FRMD4B: variants seen among roughly 807,000 people sequenced by gnomAD.
FRMD4B encodes the protein FERM domain-containing protein 4B.
In FRMD4B, 74 loss-of-function variants were observed where a neutral mutation model predicts 141.5. That is an observed-to-expected ratio of 0.52 (90% CI 0.43 to 0.63). The LOEUF (loss-of-function observed/expected upper bound fraction) is 0.63. FRMD4B is among the 30% of genes least tolerant of loss of function. FRMD4B has a pLI of 0.00. For missense variants in FRMD4B, 1,366 were observed against 1,253.4 expected, an observed-to-expected ratio of 1.09 and a Z score of -1.36; for synonymous variants, 506 against 467.9, an observed-to-expected ratio of 1.08 and a Z score of -1.05.
intron 5 of FRMD4B, among the ~76,000 whole-genome samples, chr3:69,283,213 A>G (rs577691496): frequency 4.7e-4 from 72 of 151,848 alleles, no homozygotes; most frequent in African/African-American, 1.7e-3. Context: ...GTGAAACCCC[A>G]TCTCTACTAA....
chr3:69,404,057 G>A (rs537290385), intron 2 of FRMD4B, among the ~76,000 whole-genome samples: 2 of 152,110 alleles, frequency 1.3e-5, no homozygotes, highest in Admixed American at 6.5e-5. Context: ...CACCACACCT[G>A]GCTGTTTAAA....
At chr3:69,481,850 G>A (rs983536249) in intron 1 of FRMD4B, among the ~76,000 whole-genome samples, 4 of 152,064 alleles carry the variant, frequency 2.6e-5, no homozygotes, top group Admixed American at 2.6e-4. Flanking sequence ...CAGAAAAGAG[G>A]GTACTAGAGT....
intron 1 of FRMD4B, 34 bp downstream of exon 1, chr3:69,385,794 C>G: frequency 6.7e-7 from 1 of 1,501,646 alleles, no homozygotes; most frequent in Non-Finnish European, 9.0e-7. Context: ...CGGCATCCTG[C>G]TGGGGCCCTC....
At position 69,218,117 on chromosome 3, in the gene FRMD4B, C is replaced by T. The variant is rs528138632; in HGVS notation, c.789+205G>A. On this transcript the variant is annotated intron_variant, in intron 10 of 22. Coordinates refer to ENST00000398540, the MANE Select transcript of FRMD4B (RefSeq NM_015123.3). ...GACCAATCAGCAAGCAGAGGTGTTT[C>T]GAAAGAGAATGATCTGAACATTTTA... 3.3e-5 allele frequency among the ~76,000 whole-genome samples: 5 copies of T among 152,154 alleles called. No homozygotes were observed. The East Asian group carries it at 7.7e-4, about 24-fold the overall frequency.
At chr3:69,195,498 T>C (rs1440545083) in intron 14 of FRMD4B, 134 bp from the exon 15 acceptor site, 4 of 705,448 alleles carry the variant, frequency 5.7e-6, no homozygotes, top group Non-Finnish European at 8.8e-6. Context: ...CTCAACATAA[T>C]AAAAGGAAAC....
intron 21 of FRMD4B, among the ~76,000 whole-genome samples, chr3:69,177,355 T>A (rs947414192): frequency 1.3e-5 from 2 of 151,768 alleles, no homozygotes; most frequent in African/African-American, 4.8e-5. Flanking sequence ...AATAAATAAA[T>A]AAAAATAATT....
chr3:69,238,250 C>A (rs933234342), intron 7 of FRMD4B, among the ~76,000 whole-genome samples: 12 of 152,164 alleles, frequency 7.9e-5, no homozygotes, highest in Non-Finnish European at 1.3e-4. Flanking sequence ...AGGAAAAAAT[C>A]AAAAATACCA....
chr3:69,260,192 G>A (rs1295527261), intron 5 of FRMD4B, among the ~76,000 whole-genome samples: 2 of 152,188 alleles, frequency 1.3e-5, no homozygotes, highest in East Asian at 1.9e-4. Context: ...TAAGCCCACC[G>A]CTGCACTGTA....
At chr3:69,378,331 C>T (rs939358677) in intron 1 of FRMD4B, among the ~76,000 whole-genome samples, 1 of 152,118 alleles carries the variant, frequency 6.6e-6, no homozygotes, top group Non-Finnish European at 1.5e-5. Context: ...GTGACATGAG[C>T]CACTTAGAGG....
Position 69,195,111 on chromosome 3 carries a change from G to T in FRMD4B, c.1399C>A (p.Pro467Thr), listed in dbSNP as rs779159139. 30 of 1,613,740 alleles carry T rather than the reference G, an allele frequency of 1.9e-5. 1 individual carries two copies. The South Asian group carries it at 3.3e-4, about 18-fold the overall frequency. ...GGAGGCTTCTCGCCTATGTTCAGGG[G>T]ATACTCCTTTGGCATTTTGCCTGTG... Reference protein sequence around the residue: ...ELTGKMPKEYPLNIGEKPPQV... With the variant: ...ELTGKMPKEYTLNIGEKPPQV... The change falls in exon 16 of 23, where the codon CCC (proline) becomes ACC (threonine). Residue 467 changes from proline (P) to threonine (T), a missense_variant. Pro to Thr is a conservative substitution (Grantham distance 38). Transcript: ENST00000398540.
intron 1 of FRMD4B, among the ~76,000 whole-genome samples, chr3:69,333,097 T>C (rs111624028): frequency 0.019 from 2,959 of 152,302 alleles, 111 homozygotes; most frequent in African/African-American, 0.067. Context: ...TTTGGGAATC[T>C]GCAGTGCTCC....
intron 1 of FRMD4B, among the ~76,000 whole-genome samples, chr3:69,464,492 A>G (rs1705752303): frequency 6.6e-6 from 1 of 152,200 alleles, no homozygotes; most frequent in South Asian, 2.1e-4. Context: ...TCTTTTCTCT[A>G]AAACATGAAA....
At position 69,181,161 on chromosome 3, in the gene FRMD4B, G is replaced by T. The variant is rs764612126; in HGVS notation, c.2589C>A (p.Asp863Glu). Residue 863 changes from aspartate to glutamate, a missense_variant, in exon 21 of 23, where the codon GAC becomes GAA. Coordinates refer to ENST00000398540, the MANE Select transcript of FRMD4B (RefSeq NM_015123.3). ...YSRSFHEDEV[D>E]RVPHNPYATL... ...TTGCATATGGGTTATGGGGTACCCG[G>T]TCGACCTCATCTTCGTGAAAGGATC... 1.9e-6 allele frequency: 3 copies of T among 1,613,982 alleles called. No individual in the cohort carries two copies.
intron 11 of FRMD4B, chr3:69,200,513 C>G: frequency 9.7e-7 from 1 of 1,034,956 alleles, no homozygotes; most frequent in Non-Finnish European, 1.2e-6. Flanking sequence ...GAGTTCTGAA[C>G]TGAGTTTCAT....
chr3:69,416,414 G>C (rs1704861739), intron 2 of FRMD4B, among the ~76,000 whole-genome samples: 1 of 152,126 alleles, frequency 6.6e-6, no homozygotes, highest in South Asian at 2.1e-4. Flanking sequence ...CAAAGTAGCT[G>C]GGGCTACAGG....
chr3:69,394,414 A>C (rs1235266576), intron 2 of FRMD4B, among the ~76,000 whole-genome samples: 2 of 152,226 alleles, frequency 1.3e-5, no homozygotes, highest in African/African-American at 4.8e-5. Flanking sequence ...TGGTTCTAGG[A>C]TGTGTTTTAT....
chr3:69,311,271 TATGA>T lies in FRMD4B; in HGVS notation c.311_314del (p.Phe104Ter). 6.8e-7 allele frequency: 1 copy of T among 1,480,660 alleles called. No individual in the cohort carries two copies. Among genetic ancestry groups the T allele is most frequent in the Non-Finnish European group, 9.4e-7 (1 of 1,059,948 alleles). 91.7% of individuals were successfully genotyped at this position (1,480,660 alleles called of 1,614,324 possible). ...ACTATTAAAGGACTTACGTGTCATCTATGAATGTTATTCCAAAATACTCCTTTTC... is the reference window on the plus strand; with the variant it reads ...ACTATTAAAGGACTTACGTGTCATCTATGTTATTCCAAAATACTCCTTTTC... On this transcript the variant is annotated frameshift_variant, in exon 3 of 23. Transcript: ENST00000398540. LOFTEE classifies it high-confidence loss of function.
chr3:69,254,914 A>G (rs2093483953), intron 5 of FRMD4B, among the ~76,000 whole-genome samples: 1 of 152,124 alleles, frequency 6.6e-6, no homozygotes, highest in Non-Finnish European at 1.5e-5. Flanking sequence ...GACAGATCCA[A>G]TCTGAGGGAT....
At chr3:69,439,212 C>A (rs1178611653) in intron 1 of FRMD4B, among the ~76,000 whole-genome samples, 2 of 152,152 alleles carry the variant, frequency 1.3e-5, no homozygotes, top group African/African-American at 4.8e-5. Flanking sequence ...AGTGCTCTGT[C>A]GTATGACTGA....
Sources: allele counts gnomAD v4.1 joint callset (sites outside exome capture counted in the v4.1 genomes callset), GRCh38; gene constraint gnomAD v4.1.1; transcripts MANE v1.5; gene names NCBI Gene and HGNC (gene_info 2026-07-23, HGNC 2026-07-21).